NOCT: variants seen among roughly 807,000 people sequenced by gnomAD.
The protein encoded by NOCT is nocturnin.
NOCT carries 18 observed loss-of-function variants against 35.0 expected under a neutral mutation model. The observed-to-expected ratio is 0.51, with a 90% CI of 0.36 to 0.76. The LOEUF (loss-of-function observed/expected upper bound fraction) is 0.76, where lower values mean the gene tolerates loss of function less well. NOCT is among the 30% of genes least tolerant of loss of function. The pLI, the probability that NOCT is intolerant of heterozygous loss-of-function variation, is 0.01. For synonymous variants in NOCT, 235 were observed against 226.3 expected, an observed-to-expected ratio of 1.04 and a Z score of -0.34; for missense variants, 479 against 541.0, an observed-to-expected ratio of 0.89 and a Z score of 1.14.
intron 1 of NOCT, among the ~76,000 whole-genome samples, chr4:139,025,967 A>G (rs1726505781): frequency 6.6e-6 from 1 of 152,222 alleles, no homozygotes; most frequent in Non-Finnish European, 1.5e-5. Flanking sequence ...TATTCAAGCA[A>G]TGCACTGGGA....
chr4:139,044,718 G>GGAA lies in NOCT; in HGVS notation c.544_546dup (p.Glu182dup). On this transcript the variant is annotated inframe_insertion, in exon 3 of 3. Coordinates refer to ENST00000280614, the MANE Select transcript of NOCT (RefSeq NM_012118.4). ...GGGAAGAAAGGAAATGTCTCATCCTGGAAGAAATCCTGGCCTACCAGCCTG... is the reference window on the plus strand; with the variant it reads ...GGGAAGAAAGGAAATGTCTCATCCTGGAAGAAGAAATCCTGGCCTACCAGCCTG... 6.2e-7 allele frequency: 1 copy of GGAA among 1,614,168 alleles called. No individual in the cohort carries two copies. Among genetic ancestry groups the GGAA allele is most frequent in the Non-Finnish European group, 8.5e-7 (1 of 1,180,004 alleles).
At chr4:139,017,271 A>G (rs1186689331) in intron 1 of NOCT, among the ~76,000 whole-genome samples, 2 of 123,554 alleles carry the variant, frequency 1.6e-5, no homozygotes, top group Non-Finnish European at 3.2e-5. Flanking sequence ...CTTATTTCCC[A>G]GGCTGGAGTG....
intron 1 of NOCT, among the ~76,000 whole-genome samples, chr4:139,026,415 T>TG (rs1458671850): frequency 6.6e-6 from 1 of 152,058 alleles, no homozygotes; most frequent in Non-Finnish European, 1.5e-5. Context: ...CTTTTAGGGA[T>TG]GGGGGTCTCT....
intron 1 of NOCT, among the ~76,000 whole-genome samples, chr4:139,038,582 A>G (rs924914096): frequency 1.3e-5 from 2 of 152,218 alleles, no homozygotes; most frequent in Admixed American, 1.3e-4. Flanking sequence ...TTCATCTCAT[A>G]TATACACAGC....
chr4:139,041,203 T>C (rs1010543145), intron 1 of NOCT, among the ~76,000 whole-genome samples: 4 of 152,190 alleles, frequency 2.6e-5, no homozygotes, highest in Non-Finnish European at 5.9e-5. Flanking sequence ...AAAAGCATGC[T>C]TGCATCCTCA....
rs1367448471 is a variant in NOCT at position 139,033,181 on chromosome 4, G to A, written c.191-9893G>A. Among the ~76,000 whole-genome samples the A allele has an allele frequency of 2.6e-5, 4 of 151,998 alleles. No individual in the cohort carries two copies. The East Asian group carries it at 5.8e-4, about 22-fold the overall frequency. ...GGAGTTCAAGACCAGCCTAGCCAAC[G>A]TGGTAAAACCCTGTCTCTACTAAAC... On this transcript the variant is annotated intron_variant, in intron 1 of 2. Transcript: ENST00000280614.
intron 1 of NOCT, among the ~76,000 whole-genome samples, chr4:139,019,082 C>A (rs1578623305): frequency 6.6e-6 from 1 of 152,132 alleles, no homozygotes; most frequent in Admixed American, 6.6e-5. Context: ...AGACAAGGTT[C>A]TCTCGCACTG....
Position 139,043,079 on chromosome 4 carries a change from T to TCCAC in NOCT, c.199_200insCCCA (p.Met67ThrfsTer11). 1 of 1,594,946 alleles carries TCCAC rather than the reference T, an allele frequency of 6.3e-7. No homozygotes were observed. Among genetic ancestry groups the TCCAC allele is most frequent in the East Asian group, 2.3e-5 (1 of 44,298 alleles). ...TGTGATTTCCTTTTCCGTAGTGTGT[T>TCCAC]CCATGGGAACCGGTACAAGCAGACT... On this transcript the variant is annotated frameshift_variant, in exon 2 of 3. Transcript: ENST00000280614. LOFTEE classifies it high-confidence loss of function.
Position 139,045,700 on chromosome 4 carries a change from T to A in NOCT, c.*226T>A, listed in dbSNP as rs1472647360. The A allele has an allele frequency of 9.6e-6, 4 of 417,306 alleles. No homozygotes were observed. Among genetic ancestry groups the A allele is most frequent in the African/African-American group, 8.1e-5 (4 of 49,184 alleles). 25.9% of individuals were successfully genotyped at this position (417,306 alleles called of 1,614,324 possible). The stretch of plus-strand genomic sequence containing the variant: ...CCCAGCTAATTTTTTGTATTTTTAG[T>A]AGAGACGGGGTTTCACCGTGTTAGC... On this transcript the variant is annotated 3_prime_UTR_variant, in exon 3 of 3. Coordinates refer to ENST00000280614, the MANE Select transcript of NOCT (RefSeq NM_012118.4).
At chr4:139,042,998 G>GT in intron 1 of NOCT, 76 bp from the exon 2 acceptor site, 2 of 1,360,928 alleles carry the variant, frequency 1.5e-6, no homozygotes, top group Non-Finnish European at 2.0e-6. Flanking sequence ...GACAGTAAAT[G>GT]TTTATCTTAC....
intron 1 of NOCT, among the ~76,000 whole-genome samples, chr4:139,026,005 C>G (rs932443585): frequency 6.6e-6 from 1 of 152,068 alleles, no homozygotes; most frequent in Non-Finnish European, 1.5e-5. Flanking sequence ...GTTTCCCCTC[C>G]TTTTTAAGTG....
chr4:139,043,338 C>T lies in NOCT; in HGVS notation c.455C>T (p.Ala152Val). ...AGGGTTATGCAATGGAACATCCTCG[C>T]CCAAGGTATGCTGGATGCTTTTGTG... ...PIRVMQWNILAQALGEGKDNF... is the reference protein window; with the variant it reads ...PIRVMQWNILVQALGEGKDNF... Residue 152 changes from alanine (A) to valine (V), a missense_variant, in exon 2 of 3, where the codon GCC becomes GTC. Ala to Val is a moderately conservative substitution (Grantham distance 64, BLOSUM62 0). Around this residue, in one of 2 missense-constraint regions of NOCT, gnomAD observed 265 missense variants for 257.0 expected, o/e 1.03. Transcript: ENST00000280614. The T allele has an allele frequency of 6.2e-7, 1 of 1,612,938 alleles. No individual in the cohort carries two copies. Among genetic ancestry groups the T allele is most frequent in the South Asian group, 1.1e-5 (1 of 91,058 alleles).
At chr4:139,037,227 T>C (rs990197878) in intron 1 of NOCT, among the ~76,000 whole-genome samples, 3 of 152,162 alleles carry the variant, frequency 2.0e-5, no homozygotes, top group African/African-American at 4.8e-5. Flanking sequence ...TAGTCTCTTA[T>C]TCAAAATGTA....
At chr4:139,032,636 C>T (rs1456697916) in intron 1 of NOCT, among the ~76,000 whole-genome samples, 2 of 152,120 alleles carry the variant, frequency 1.3e-5, no homozygotes, top group Non-Finnish European at 2.9e-5. Context: ...AATTTGAGTG[C>T]CAAATAGAGT....
chr4:139,018,160 T>C (rs1421612456), intron 1 of NOCT, among the ~76,000 whole-genome samples: 1 of 150,502 alleles, frequency 6.6e-6, no homozygotes, highest in Non-Finnish European at 1.5e-5. Context: ...TATTGCCTGA[T>C]AACTTTTTTC....
chr4:139,017,525 C>T (rs530723901), intron 1 of NOCT, among the ~76,000 whole-genome samples: 2 of 150,098 alleles, frequency 1.3e-5, no homozygotes, highest in African/African-American at 4.9e-5. Flanking sequence ...ACCGCCCCCC[C>T]GGCCTATAAA....
At chr4:139,042,958 A>G in intron 1 of NOCT, 116 bp from the exon 2 acceptor site, 6 of 897,764 alleles carry the variant, frequency 6.7e-6, no homozygotes, top group Non-Finnish European at 1.0e-5. Flanking sequence ...ATACACTATT[A>G]TGGCAACAAT....
At chr4:139,023,939 A>G (rs1212319088) in intron 1 of NOCT, among the ~76,000 whole-genome samples, 1 of 152,028 alleles carries the variant, frequency 6.6e-6, no homozygotes, top group African/African-American at 2.4e-5. Context: ...GCCTTAGCAC[A>G]TTAAAAGTTT....
At chr4:139,028,959 C>T (rs550685436) in intron 1 of NOCT, among the ~76,000 whole-genome samples, 3 of 152,108 alleles carry the variant, frequency 2.0e-5, no homozygotes, top group Non-Finnish European at 4.4e-5. Flanking sequence ...CTGTCTCAGC[C>T]TCCCGAGTAG....
Sources: gnomAD v4.1 joint callset for allele counts (sites outside exome capture counted in the v4.1 genomes callset) on GRCh38, gnomAD v4.1.1 for gene constraint, gnomAD v4.1.1 regional missense constraint, MANE v1.5 for transcripts, NCBI Gene and HGNC (gene_info 2026-07-23, HGNC 2026-07-21) for gene names.